Variants in CCDC73 observed in about 807,000 individuals in gnomAD.
CCDC73 encodes the protein coiled-coil domain containing 73.
In CCDC73, 95 loss-of-function variants were observed where a neutral mutation model predicts 116.5. That is an observed-to-expected ratio of 0.82 (90% CI 0.69 to 0.97). The LOEUF (loss-of-function observed/expected upper bound fraction) is 0.97. Among genes scored for constraint, CCDC73 ranks in the 50% least tolerant of loss-of-function variants. The pLI, the probability that CCDC73 is intolerant of heterozygous loss-of-function variation, is 0.00. For missense variants in CCDC73, 1,066 were observed against 1,206.8 expected (o/e 0.88, Z 1.73); for synonymous variants, 398 against 401.3 (o/e 0.99, Z 0.10).
intron 3 of CCDC73, among the ~76,000 whole-genome samples, chr11:32,709,734 T>G (rs12273209): frequency 3.3e-4 from 50 of 152,360 alleles, no homozygotes; most frequent in African/African-American, 1.2e-3. Flanking sequence ...ACAGAATGAT[T>G]AAGGGAGGAT....
chr11:32,676,469 C>T (rs886599088), intron 7 of CCDC73, among the ~76,000 whole-genome samples: 22 of 152,130 alleles, frequency 1.4e-4, no homozygotes, highest in Non-Finnish European at 2.2e-4. Flanking sequence ...TTTCAATGTA[C>T]ACTACCAAAA....
chr11:32,749,858 CTCT>C (rs1771836669), intron 2 of CCDC73, among the ~76,000 whole-genome samples: 2 of 150,142 alleles, frequency 1.3e-5, no homozygotes, highest in Non-Finnish European at 3.0e-5. Context: ...TCATTCTCTC[CTCT>C]TACTTTTTTT....
the CCDC73 span, among the ~76,000 whole-genome samples, chr11:32,826,821 A>C: frequency 7.4e-4 from 113 of 152,262 alleles, no homozygotes; most frequent in African/African-American, 2.7e-3. Context: ...GAGAACACTT[A>C]AAATGCTTTG....
At chr11:32,624,495 A>G (rs1001933881) in intron 14 of CCDC73, among the ~76,000 whole-genome samples, 1 of 152,226 alleles carries the variant, frequency 6.6e-6, no homozygotes, top group Admixed American at 6.5e-5. Flanking sequence ...CAGATTAATT[A>G]TGGCACGTCC....
At chr11:32,665,899 A>C (rs1375305539) in intron 9 of CCDC73, among the ~76,000 whole-genome samples, 1 of 152,166 alleles carries the variant, frequency 6.6e-6, no homozygotes, top group Non-Finnish European at 1.5e-5. Flanking sequence ...AAAGGATTTT[A>C]TTTCTCCTTC....
At position 32,653,951 on chromosome 11, in the gene CCDC73, G is replaced by A. The variant is rs372054750; in HGVS notation, c.834+27C>T. The A allele has an allele frequency of 1.1e-5, 17 of 1,579,368 alleles. 1 individual carries two copies. In the Admixed American group the frequency reaches 1.5e-4, roughly 14 times the overall value. ...TATCTGATTTTTAGAATATTTACTG[G>A]CTTCCAAATAGCTTATGATTGCTTA... On this transcript the variant is annotated intron_variant, in intron 11 of 17. Coordinates refer to ENST00000335185, the MANE Select transcript of CCDC73 (RefSeq NM_001008391.4).
chr11:32,801,812 G>T, the CCDC73 span, among the ~76,000 whole-genome samples: 2 of 152,142 alleles, frequency 1.3e-5, no homozygotes, highest in South Asian at 4.1e-4. Context: ...AGTCAAAAGG[G>T]CAACTGGAAA....
At chr11:32,677,823 G>A (rs576936322) in intron 7 of CCDC73, among the ~76,000 whole-genome samples, 74 of 151,662 alleles carry the variant, frequency 4.9e-4, no homozygotes, top group African/African-American at 1.6e-3. Context: ...ATGGTGATGC[G>A]CGCCTGTAAT....
chr11:32,625,426 C>T (rs1590551725), intron 14 of CCDC73, among the ~76,000 whole-genome samples: 1 of 152,092 alleles, frequency 6.6e-6, no homozygotes, highest in African/African-American at 2.4e-5. Context: ...ACTGGTTGTT[C>T]CTTTCCATGT....
At chr11:32,645,293 T>TTC (rs1554962661) in intron 12 of CCDC73, among the ~76,000 whole-genome samples, 2 of 97,836 alleles carry the variant, frequency 2.0e-5, no homozygotes, top group African/African-American at 6.1e-5. Context: ...TTCTTTTTCT[T>TTC]TTTTTTTTTT....
At chr11:32,702,834 A>G (rs1054244112) in intron 4 of CCDC73, 39 bp downstream of exon 4, 3 of 1,354,824 alleles carry the variant, frequency 2.2e-6, no homozygotes. Flanking sequence ...GAAATGCAAT[A>G]TTTAAAATGG....
chr11:32,744,027 T>C (rs1396609427), intron 2 of CCDC73, among the ~76,000 whole-genome samples: 1 of 152,218 alleles, frequency 6.6e-6, no homozygotes, highest in East Asian at 1.9e-4. Flanking sequence ...CCATTCAGTA[T>C]GATATTGGCT....
At chr11:32,751,552 C>T (rs560550574) in intron 2 of CCDC73, among the ~76,000 whole-genome samples, 9 of 152,196 alleles carry the variant, frequency 5.9e-5, no homozygotes, top group Non-Finnish European at 1.0e-4. Context: ...CCATAGACAC[C>T]GGCTGGGTTC....
At chr11:32,653,318 C>A (rs922996586) in intron 11 of CCDC73, 91 bp from the exon 12 acceptor site, 8 of 755,366 alleles carry the variant, frequency 1.1e-5, no homozygotes, top group Admixed American at 7.6e-5. Flanking sequence ...AGTTTCCTAA[C>A]TCACTGTATT....
At chr11:32,732,835 C>T (rs1322163013) in intron 2 of CCDC73, among the ~76,000 whole-genome samples, 1 of 152,142 alleles carries the variant, frequency 6.6e-6, no homozygotes, top group Non-Finnish European at 1.5e-5. Context: ...TAAAGACCCT[C>T]GATGCTAGGA....
At chr11:32,716,355 C>A (rs1849944299) in intron 3 of CCDC73, among the ~76,000 whole-genome samples, 1 of 152,144 alleles carries the variant, frequency 6.6e-6, no homozygotes. Context: ...GGATCTATTT[C>A]TAGATTCTGT....
intron 3 of CCDC73, among the ~76,000 whole-genome samples, chr11:32,705,459 A>G (rs1329323432): frequency 1.3e-5 from 2 of 152,308 alleles, no homozygotes; most frequent in South Asian, 4.1e-4. Flanking sequence ...AGCCTCACAC[A>G]GAGCTGGCTG....
chr11:32,662,793 T>C (rs569266534), intron 9 of CCDC73, among the ~76,000 whole-genome samples: 1 of 152,282 alleles, frequency 6.6e-6, no homozygotes, highest in African/African-American at 2.4e-5. Context: ...ATTGCCTAGG[T>C]TTTTTTCTAG....
intron 1 of CCDC73, among the ~76,000 whole-genome samples, chr11:32,761,969 C>A (rs866384313): frequency 7.9e-5 from 12 of 152,180 alleles, no homozygotes; most frequent in Non-Finnish European, 4.4e-5. Context: ...AGGCCTTCAA[C>A]TGATTGGATG....
Sources: gnomAD v4.1 joint callset for allele counts (sites outside exome capture counted in the v4.1 genomes callset) on GRCh38, gnomAD v4.1.1 for gene constraint, MANE v1.5 for transcripts, NCBI Gene and HGNC (gene_info 2026-07-23, HGNC 2026-07-21) for gene names.